Variants in PDE12 observed in about 807,000 individuals in gnomAD.
The protein encoded by PDE12 is 2',5'-phosphodiesterase 12.
In PDE12, 26 loss-of-function variants were observed where a neutral mutation model predicts 45.4. The ratio of observed to expected loss-of-function variants is 0.57; its 90% confidence interval spans 0.42 to 0.79. The LOEUF (loss-of-function observed/expected upper bound fraction) is 0.79, where lower values mean the gene tolerates loss of function less well. PDE12 is among the 30% of genes least tolerant of loss of function. The pLI is 0.00. For synonymous variants in PDE12, 283 were observed against 323.9 expected, an observed-to-expected ratio of 0.87 and a Z score of 1.36; for missense variants, 668 against 790.0, an observed-to-expected ratio of 0.85 and a Z score of 1.85.
chr3:57,606,304 A>C, the PDE12 span, among the ~76,000 whole-genome samples: 7 of 152,208 alleles, frequency 4.6e-5, no homozygotes, highest in East Asian at 1.3e-3. Flanking sequence ...CTCACTGGAA[A>C]CATTGCAGAC....
At chr3:57,582,473 C>G in the PDE12 span, among the ~76,000 whole-genome samples, 1 of 152,040 alleles carries the variant, frequency 6.6e-6, no homozygotes, top group Non-Finnish European at 1.5e-5. Flanking sequence ...GAACTCCTGA[C>G]CTCGTGATCC....
chr3:57,570,271 G>A (rs1379743836), downstream of PDE12, among the ~76,000 whole-genome samples: 1 of 133,652 alleles, frequency 7.5e-6, no homozygotes, highest in Non-Finnish European at 1.5e-5. Context: ...GTGTGCAGTG[G>A]CGCTATGTTG....
the PDE12 span, among the ~76,000 whole-genome samples, chr3:57,595,598 A>G: frequency 1.3e-5 from 2 of 152,310 alleles, no homozygotes; most frequent in African/African-American, 4.8e-5. Context: ...CTCTTTATAT[A>G]CCTTGAAATA....
the PDE12 span, among the ~76,000 whole-genome samples, chr3:57,643,114 G>A: frequency 1.3e-5 from 2 of 151,984 alleles, no homozygotes; most frequent in Non-Finnish European, 2.9e-5. Context: ...AACATGAGAG[G>A]CAGTAAGACT....
the PDE12 span, among the ~76,000 whole-genome samples, chr3:57,603,572 A>G: frequency 2.6e-5 from 4 of 151,228 alleles, no homozygotes; most frequent in South Asian, 8.5e-4. Context: ...CCTGGCCTCA[A>G]GTGATCTGTG....
chr3:57,611,777 A>G, the PDE12 span, among the ~76,000 whole-genome samples: 1 of 152,178 alleles, frequency 6.6e-6, no homozygotes, highest in East Asian at 1.9e-4. Context: ...ACACTTTTAC[A>G]CTGTTGGTGG....
chr3:57,645,837 A>G, the PDE12 span: 1 of 961,418 alleles, frequency 1.0e-6, no homozygotes, highest in Non-Finnish European at 1.6e-6. Context: ...ATCTATACAA[A>G]CGGTATACAC....
chr3:57,577,053 C>CT, the PDE12 span, among the ~76,000 whole-genome samples: 3 of 146,098 alleles, frequency 2.1e-5, no homozygotes, highest in Admixed American at 1.4e-4. Context: ...ATGAGGCATT[C>CT]TAAAAAAAAA....
the PDE12 span, among the ~76,000 whole-genome samples, chr3:57,595,456 T>G: frequency 3.9e-5 from 6 of 152,324 alleles, no homozygotes; most frequent in East Asian, 1.2e-3. Context: ...AAAATAATTC[T>G]GTCCTCTTGA....
chr3:57,556,674 C>G lies in PDE12; in HGVS notation c.295C>G (p.Arg99Gly), dbSNP rs2069664384. The change falls in exon 1 of 3, where the codon CGG becomes GGG. Residue 99 changes from arginine to glycine, a missense_variant. By Grantham distance (125) the Arg-to-Gly change is moderately radical. This residue lies in a region of PDE12 where 580 missense variants were observed against 662.9 expected (regional missense o/e 0.87). Transcript: ENST00000311180. The surrounding 1 kb of genome is among the most constrained non-coding windows in gnomAD (Gnocchi z 5.0). ...CGCCGCCAAGAAGAGCAGGAAGAGC[C>G]GGCCGAATGCTAGCGGCGGTGCGGC... Reference protein sequence around the residue: ...AAAAKKSRKSRPNASGGAACS... With the variant: ...AAAAKKSRKSGPNASGGAACS... The G allele has an allele frequency of 1.9e-6, 3 of 1,598,080 alleles. No homozygotes were observed. The highest frequency in any genetic ancestry group is 2.6e-6 in the Non-Finnish European group (3 of 1,169,138).
chr3:57,630,656 T>C, the PDE12 span: 2 of 1,564,032 alleles, frequency 1.3e-6, no homozygotes, highest in Non-Finnish European at 1.7e-6. Context: ...GTTTAGCTTT[T>C]TGTTTTGCTT....
downstream of PDE12, among the ~76,000 whole-genome samples, chr3:57,568,161 T>C (rs1302061317): frequency 6.6e-6 from 1 of 151,370 alleles, no homozygotes; most frequent in Non-Finnish European, 1.5e-5. Flanking sequence ...GAACCAGGTA[T>C]TTCACATTTA....
At chr3:57,642,159 A>G in the PDE12 span, among the ~76,000 whole-genome samples, 50 of 152,036 alleles carry the variant, frequency 3.3e-4, no homozygotes, top group Non-Finnish European at 5.4e-4. Context: ...CTAAAATTAC[A>G]AAAAATTAGC....
chr3:57,577,243 T>G, the PDE12 span: 1 of 1,246,288 alleles, frequency 8.0e-7, no homozygotes, highest in East Asian at 2.3e-5. Flanking sequence ...ATAGTCAAAA[T>G]GTACTAAACC....
chr3:57,589,498 T>C, the PDE12 span, among the ~76,000 whole-genome samples: 3 of 151,866 alleles, frequency 2.0e-5, no homozygotes, highest in Non-Finnish European at 4.4e-5. Flanking sequence ...AGTGGGTGGA[T>C]CACGAGGTCA....
At chr3:57,611,247 G>A in the PDE12 span, among the ~76,000 whole-genome samples, 1 of 152,148 alleles carries the variant, frequency 6.6e-6, no homozygotes, top group Non-Finnish European at 1.5e-5. Flanking sequence ...ATGGATTAAA[G>A]ATTTAAATGT....
At chr3:57,641,292 TATA>T in the PDE12 span, among the ~76,000 whole-genome samples, 1 of 143,768 alleles carries the variant, frequency 7.0e-6, no homozygotes, top group African/African-American at 2.5e-5. Flanking sequence ...ATTTAAATAT[TATA>T]TATTTAAATA....
At chr3:57,644,419 C>T in the PDE12 span, among the ~76,000 whole-genome samples, 1 of 151,734 alleles carries the variant, frequency 6.6e-6, no homozygotes, top group Non-Finnish European at 1.5e-5. Flanking sequence ...CATCCTCCCA[C>T]CTCAGCCTCA....
chr3:57,620,477 G>A, the PDE12 span, among the ~76,000 whole-genome samples: 1 of 151,998 alleles, frequency 6.6e-6, no homozygotes, highest in Non-Finnish European at 1.5e-5. Context: ...GGGGATTCTA[G>A]CCAGCGCAAT....
Sources: allele counts gnomAD v4.1 joint callset (sites outside exome capture counted in the v4.1 genomes callset), GRCh38; gene constraint gnomAD v4.1.1; regional missense constraint gnomAD v4.1.1; non-coding constraint Gnocchi (gnomAD v3.1); transcripts MANE v1.5; gene names NCBI Gene and HGNC (gene_info 2026-07-23, HGNC 2026-07-21).